MYH3: variants seen among roughly 807,000 people sequenced by gnomAD.
MYH3 encodes myosin heavy chain 3, also known as myosin-3.
A neutral mutation model predicts 238.0 loss-of-function variants in MYH3; 130 were observed. The ratio of observed to expected loss-of-function variants is 0.55; its 90% CI spans 0.47 to 0.63. The LOEUF (loss-of-function observed/expected upper bound fraction) is 0.63, where lower values mean the gene tolerates loss of function less well. Ranked by LOEUF, MYH3 falls within the 30% of genes least tolerant of loss-of-function variation. The pLI is 0.00. For missense variants in MYH3, 1,853 were observed against 2,374.9 expected (o/e 0.78, Z 4.57); for synonymous variants, 880 against 924.1 (o/e 0.95, Z 0.86).
chr17:10,630,063 C>G, intron 38 of MYH3, 29 bp downstream of exon 38: 1 of 1,609,400 alleles, frequency 6.2e-7, no homozygotes, highest in South Asian at 1.1e-5. Context: ...TCACAGAGGA[C>G]ACGATCATGG....
Position 10,642,727 on chromosome 17 carries a change from G to A in MYH3, c.1582-4C>T. The A allele has an allele frequency of 6.2e-7, 1 of 1,614,176 alleles. No individual in the cohort carries two copies. The highest frequency in any genetic ancestry group is 8.5e-7 in the Non-Finnish European group (1 of 1,180,036). The stretch of plus-strand genomic sequence containing the variant: ...GGATGGAGAAGATGCCCATAGGCTG[G>A]ATTGAAGGCAAGGCAAAGTGCAGAG... On this transcript the variant is annotated splice_region_variant and splice_polypyrimidine_tract_variant and intron_variant, in intron 15 of 40. Transcript: ENST00000583535. This position sits in a 1 kb window ranked among gnomAD's most constrained non-coding sequence, Gnocchi z 5.4.
At chr17:10,665,272 A>G in the MYH3 span, among the ~76,000 whole-genome samples, 1 of 152,042 alleles carries the variant, frequency 6.6e-6, no homozygotes, top group African/African-American at 2.4e-5. Context: ...CCTCCCGAGT[A>G]GCTGGAATTA....
chr17:10,647,755 G>A lies in MYH3; in HGVS notation c.736-329C>T, dbSNP rs561575791. Among the ~76,000 whole-genome samples, 38 of 152,244 alleles carry A rather than the reference G, an allele frequency of 2.5e-4. No homozygotes were observed. In the East Asian group the frequency reaches 5.8e-3, roughly 23 times the overall value. Reference sequence around the variant, plus strand: ...AGACGGGGTTTCACCATGTTGGCCAGGATGGTCTCGATCTCTTGACCTCGT... The same window carrying A: ...AGACGGGGTTTCACCATGTTGGCCAAGATGGTCTCGATCTCTTGACCTCGT... On this transcript the variant is annotated intron_variant, in intron 8 of 40. Transcript: ENST00000583535.
chr17:10,643,503 G>A (rs1597488531), intron 14 of MYH3, among the ~76,000 whole-genome samples: 1 of 152,068 alleles, frequency 6.6e-6, no homozygotes, highest in Non-Finnish European at 1.5e-5. Context: ...AGCCTCCAGA[G>A]TGGCTGGAAC....
intron 26 of MYH3, 127 bp from the exon 27 acceptor site, chr17:10,638,559 C>T (rs1220189136): frequency 1.5e-6 from 2 of 1,297,048 alleles, no homozygotes; most frequent in Admixed American, 2.1e-5. Context: ...ATGAATACTG[C>T]AAATTTCCTT....
rs879678430 is a variant in MYH3 at position 10,636,914 on chromosome 17, TA to T, written c.3856+894del. On this transcript the variant is annotated intron_variant, in intron 28 of 40. Coordinates refer to ENST00000583535, the MANE Select transcript of MYH3 (RefSeq NM_002470.4). ...GGGTGACAGAGAGTGAGACTCTGTC[TA>T]AAAAAAAAAAAATGTGGCTACCAAA... 4.5e-3 allele frequency among the ~76,000 whole-genome samples: 647 copies of T among 142,692 alleles called. 3 individuals are homozygous for T. The highest frequency in any genetic ancestry group is 7.5e-3 in the African/African-American group (293 of 39,316). 93.6% of individuals were successfully genotyped at this position (142,692 alleles called of 152,430 possible).
chr17:10,674,695 C>T, the MYH3 span: 1 of 152,590 alleles, frequency 6.6e-6, no homozygotes, highest in Admixed American at 6.5e-5. Context: ...GCGAAACCAC[C>T]TCAAGGTCCT....
At chr17:10,630,926 G>A (rs1724484915) in intron 36 of MYH3, among the ~76,000 whole-genome samples, 1 of 152,186 alleles carries the variant, frequency 6.6e-6, no homozygotes, top group African/African-American at 2.4e-5. Context: ...TGCCACCCTG[G>A]AAGAGGGCCA....
chr17:10,636,629 C>T (rs971581696), intron 28 of MYH3, among the ~76,000 whole-genome samples: 3 of 151,710 alleles, frequency 2.0e-5, no homozygotes, highest in Non-Finnish European at 4.4e-5. Flanking sequence ...AAAGTGGCCA[C>T]CATAGGCCGG....
chr17:10,644,367 C>T lies in MYH3; in HGVS notation c.1394G>A (p.Gly465Asp). The T allele has an allele frequency of 6.2e-7, 1 of 1,614,122 alleles. No individual in the cohort carries two copies. The highest frequency in any genetic ancestry group is 8.5e-7 in the Non-Finnish European group (1 of 1,179,964). ...AACACAAACCTCAAAGATTTCAAAG[C>T]CTGCAATGTCCAAAACACCAATGAA... is the stretch of plus-strand genomic sequence containing the variant. ...QHFIGVLDIAGFEIFEYNSLE... is the reference protein window; with the variant it reads ...QHFIGVLDIADFEIFEYNSLE... The change falls in exon 14 of 41, where the codon GGC (glycine) becomes GAC (aspartate). Residue 465 changes from glycine (G) to aspartate (D), a missense_variant. Gly to Asp is a moderately conservative substitution (Grantham distance 94, BLOSUM62 -1). Around this residue, in one of 3 missense-constraint regions of MYH3, gnomAD observed 678 missense variants for 1,058.9 expected, o/e 0.64. Coordinates refer to ENST00000583535, the MANE Select transcript of MYH3 (RefSeq NM_002470.4).
Position 10,631,839 on chromosome 17 carries a change from C to T in MYH3, c.5134G>A (p.Glu1712Lys), listed in dbSNP as rs376574468. Residue 1712 changes from glutamate to lysine, a missense_variant, in exon 35 of 41, where the codon GAG becomes AAG. Glu to Lys is a moderately conservative substitution (Grantham distance 56, BLOSUM62 1). This residue lies in a region of MYH3 where 1,044 missense variants were observed against 1,192.6 expected (regional missense o/e 0.88). Transcript: ENST00000583535. ...TGGGTATGCAGCAGCTGCACCCTCT[C>T]GTTGGAGTCCAGGAGCTCCTGTTCC... ...LAEQELLDSN[E>K]RVQLLHTQNT... The T allele has an allele frequency of 1.2e-6, 2 of 1,614,048 alleles. No homozygotes were observed. Among genetic ancestry groups the T allele is most frequent in the East Asian group, 2.2e-5 (1 of 44,888 alleles).
At position 10,632,591 on chromosome 17, in the gene MYH3, C is replaced by A; in HGVS notation, c.4841G>T (p.Arg1614Leu). The change falls in exon 34 of 41, where the codon CGG becomes CTG. Residue 1614 changes from arginine to leucine, a missense_variant. Around this residue, in one of 3 missense-constraint regions of MYH3, gnomAD observed 1,044 missense variants for 1,192.6 expected, o/e 0.88. Transcript: ENST00000583535. Reference sequence around the variant, plus strand: ...GTCCCCCTCCATCTTCTTCTTGAGCCGGATGGCTTCATTCCTGCTCCGCAC... The same window carrying A: ...GTCCCCCTCCATCTTCTTCTTGAGCAGGATGGCTTCATTCCTGCTCCGCAC... ...AEVRSRNEAI[R>L]LKKKMEGDLN... 1 of 1,614,148 alleles carries A rather than the reference C, an allele frequency of 6.2e-7. No individual in the cohort carries two copies. Among genetic ancestry groups the A allele is most frequent in the South Asian group, 1.1e-5 (1 of 91,078 alleles).
the MYH3 span, among the ~76,000 whole-genome samples, chr17:10,666,666 G>A: frequency 3.9e-5 from 6 of 152,044 alleles, no homozygotes; most frequent in South Asian, 4.1e-4. Flanking sequence ...GGAGGCTGAG[G>A]GGGGAGGACT....
At position 10,649,305 on chromosome 17, in the gene MYH3, C is replaced by T. The variant is rs1989811; in HGVS notation, c.642+272G>A. ...CACATTGGTATATGTGATTCTTCCA[C>T]AAAAGAACAAGCTCTCTGAGCCGTC... On this transcript the variant is annotated intron_variant, in intron 7 of 40. Transcript: ENST00000583535. Among the ~76,000 whole-genome samples the T allele has an allele frequency of 0.63, 95,796 of 152,038 alleles. 32,091 individuals carry two copies. The highest frequency in any genetic ancestry group is 0.77 in the Non-Finnish European group (52,292 of 67,988).
chr17:10,649,536 TA>T (rs1467256024), intron 7 of MYH3, 40 bp downstream of exon 7: 1 of 1,520,428 alleles, frequency 6.6e-7, no homozygotes, highest in Non-Finnish European at 9.1e-7. Flanking sequence ...AGACCACAGT[TA>T]AAAGTGGAAG....
chr17:10,652,159 G>A (rs1452796492), intron 4 of MYH3: 3 of 535,380 alleles, frequency 5.6e-6, no homozygotes, highest in Non-Finnish European at 1.0e-5. Context: ...CCCACAGTTG[G>A]TAAGTCACAG....
rs746924408 is a variant in MYH3 at position 10,651,617 on chromosome 17, C to T, written c.400G>A (p.Val134Met). ...CCTTCCACCACCTCGGGGTTGTACA[C>T]CGGCAGCCACTTGTAGGGGTTGACA... is the stretch of plus-strand genomic sequence containing the variant. The part of the protein sequence containing the change: ...VTVNPYKWLP[V>M]YNPEVVEGYR... The change falls in exon 5 of 41, where the codon GTG becomes ATG. Residue 134 changes from valine to methionine, a missense_variant. Val to Met is a conservative substitution (Grantham distance 21). This residue lies in a region of MYH3 where 678 missense variants were observed against 1,058.9 expected (regional missense o/e 0.64). Coordinates refer to ENST00000583535, the MANE Select transcript of MYH3 (RefSeq NM_002470.4). The T allele has an allele frequency of 3.1e-6, 5 of 1,614,010 alleles. No homozygotes were observed. The highest frequency in any genetic ancestry group is 1.3e-5 in the African/African-American group (1 of 74,920).
At position 10,639,346 on chromosome 17, in the gene MYH3, G is replaced by A; in HGVS notation, c.3054C>T (p.Val1018=). The change falls in exon 24 of 41, where the codon GTC becomes GTT. Residue 1018 remains valine, a synonymous_variant. Transcript: ENST00000583535. The stretch of plus-strand genomic sequence containing the variant: ...TGCTCTTGGTTTTGTTCAAAGAATT[G>A]ACTTTGTCTTCTTCAGCTTGGAGGT... ...LDDLQAEEDK[V]NSLNKTKSKL... is the part of the protein sequence containing the mutation. 6.2e-7 allele frequency: 1 copy of A among 1,614,152 alleles called. No individual in the cohort carries two copies. Among genetic ancestry groups the A allele is most frequent in the East Asian group, 2.2e-5 (1 of 44,880 alleles).
intron 36 of MYH3, among the ~76,000 whole-genome samples, chr17:10,631,334 G>C (rs1390876897): frequency 2.6e-5 from 4 of 152,234 alleles, no homozygotes; most frequent in Non-Finnish European, 4.4e-5. Flanking sequence ...TCAGGTTCTT[G>C]TTTTCATATT....
Sources: allele counts gnomAD v4.1 joint callset (sites outside exome capture counted in the v4.1 genomes callset), GRCh38; gene constraint gnomAD v4.1.1; regional missense constraint gnomAD v4.1.1; non-coding constraint Gnocchi (gnomAD v3.1); transcripts MANE v1.5; gene names NCBI Gene and HGNC (gene_info 2026-07-23, HGNC 2026-07-21).